The following ACTN2 variants were observed in gnomAD, a reference collection of about 807,000 sequenced individuals.
The protein encoded by ACTN2 is alpha-actinin-2.
Under a neutral mutation model 113.8 loss-of-function variants are expected in ACTN2, and 39 were observed. The ratio of observed to expected loss-of-function variants is 0.34; its 90% confidence interval spans 0.27 to 0.45. The LOEUF (loss-of-function observed/expected upper bound fraction) is 0.45, where lower values mean the gene tolerates loss of function less well. Among genes scored for constraint, ACTN2 ranks in the 20% least tolerant of loss-of-function variants. ACTN2 has a pLI of 1.00. For synonymous variants in ACTN2, 429 were observed against 444.1 expected (o/e 0.97, Z 0.43); for missense variants, 992 against 1,177.9 (o/e 0.84, Z 2.31).
intron 18 of ACTN2, 96 bp from the exon 19 acceptor site, chr1:236,759,628 A>G (rs1659648656): frequency 1.9e-6 from 2 of 1,048,974 alleles, no homozygotes; most frequent in Non-Finnish European, 3.0e-6. Context: ...GCAGAGCTCA[A>G]AGTGCTTCTC....
At chr1:236,720,258 C>A in intron 4 of ACTN2, 67 bp downstream of exon 4, 3 of 1,325,846 alleles carry the variant, frequency 2.3e-6, no homozygotes, top group East Asian at 2.3e-5. Flanking sequence ...AAAATTTGAG[C>A]AAGATGTTTT....
At chr1:236,703,014 G>T (rs772980607) in intron 1 of ACTN2, among the ~76,000 whole-genome samples, 1 of 152,110 alleles carries the variant, frequency 6.6e-6, no homozygotes, top group Non-Finnish European at 1.5e-5. Context: ...TTGCCGGATG[G>T]GTTGAGAGGA....
intron 4 of ACTN2, among the ~76,000 whole-genome samples, chr1:236,724,422 G>A (rs1252467726): frequency 2.0e-5 from 3 of 152,208 alleles, no homozygotes; most frequent in Non-Finnish European, 4.4e-5. Flanking sequence ...GATTTTTTGG[G>A]GAAAATGCCT....
Position 236,751,518 on chromosome 1 carries a change from G to A in ACTN2, c.1705G>A (p.Asp569Asn). Residue 569 changes from aspartate (D) to asparagine (N), a missense_variant, in exon 15 of 21, where the codon GAC becomes AAC. Around this residue, in one of 3 missense-constraint regions of ACTN2, gnomAD observed 736 missense variants for 815.4 expected, o/e 0.90. Coordinates refer to ENST00000366578, the MANE Select transcript of ACTN2 (RefSeq NM_001103.4). ...EQFKATLPEA[D>N]GERQSIMAIQ... Reference sequence around the variant, plus strand: ...GTTCAAGGCCACGCTGCCCGAGGCGGACGGAGAGCGGCAGTCCATCATGGC... The same window carrying A: ...GTTCAAGGCCACGCTGCCCGAGGCGAACGGAGAGCGGCAGTCCATCATGGC... 1 of 1,614,146 alleles carries A rather than the reference G, an allele frequency of 6.2e-7. No individual in the cohort carries two copies. The highest frequency in any genetic ancestry group is 2.2e-5 in the East Asian group (1 of 44,886).
At chr1:236,735,775 G>C in intron 8 of ACTN2, 55 bp downstream of exon 8, 1 of 1,448,594 alleles carries the variant, frequency 6.9e-7, no homozygotes, top group Non-Finnish European at 9.7e-7. Flanking sequence ...GGTTTTAGTT[G>C]TGTGTGCATA....
chr1:236,727,709 A>C lies in ACTN2; in HGVS notation c.568A>C (p.Ile190Leu), dbSNP rs1658594750. 6.2e-7 allele frequency: 1 copy of C among 1,613,962 alleles called. No homozygotes were observed. Among genetic ancestry groups the C allele is most frequent in the Non-Finnish European group, 8.5e-7 (1 of 1,180,010 alleles). ...WKDGLGLCAL[I>L]HRHRPDLIDY... ...AGATGGCCTTGGACTCTGTGCCCTC[A>C]TCCACCGACACCGGCCTGACCTCAT... is the stretch of plus-strand genomic sequence containing the variant. The change falls in exon 6 of 21, where the codon ATC becomes CTC. Residue 190 changes from isoleucine (I) to leucine (L), a missense_variant. By Grantham distance (5) the Ile-to-Leu change is conservative. Around this residue, in one of 3 missense-constraint regions of ACTN2, gnomAD observed 220 missense variants for 337.5 expected, o/e 0.65. Coordinates refer to ENST00000366578, the MANE Select transcript of ACTN2 (RefSeq NM_001103.4).
intron 1 of ACTN2, among the ~76,000 whole-genome samples, chr1:236,700,628 C>T (rs1336813746): frequency 1.3e-5 from 2 of 152,154 alleles, no homozygotes; most frequent in African/African-American, 2.4e-5. Context: ...GTTACTGCTT[C>T]GAGTGATAAG....
chr1:236,735,657 C>T lies in ACTN2; in HGVS notation c.720C>T (p.Pro240=), dbSNP rs375935508. The T allele has an allele frequency of 2.2e-5, 35 of 1,614,024 alleles. No individual in the cohort carries two copies. The highest frequency in any genetic ancestry group is 1.6e-4 in the Middle Eastern group (1 of 6,084). The change falls in exon 8 of 21, where the codon CCC becomes CCT. Residue 240 remains proline, a synonymous_variant. Transcript: ENST00000366578. ...CAGACATCGTGAACACCCCTAAACC[C>T]GATGAAAGAGCCATCATGACGTACG... The part of the protein sequence containing the change: ...DAEDIVNTPK[P]DERAIMTYVS...
At chr1:236,736,421 C>T in intron 8 of ACTN2, 12 of 603,342 alleles carry the variant, frequency 2.0e-5, no homozygotes, top group South Asian at 1.6e-4. Flanking sequence ...AGGCTGCGGG[C>T]CCAGAAGCCA....
At position 236,723,610 on chromosome 1, in the gene ACTN2, T is replaced by G. The variant is rs531275179; in HGVS notation, c.449-2323T>G. Among the ~76,000 whole-genome samples, 35 of 152,110 alleles carry G rather than the reference T, an allele frequency of 2.3e-4. 4 individuals are homozygous for G. The South Asian group carries it at 4.8e-3, about 21-fold the overall frequency. ...CCTCCCAAGTAGCTGGGATTACAAGTGCCCGCCACCGTGCCCGGCTAATTT... is the reference window on the plus strand; with the variant it reads ...CCTCCCAAGTAGCTGGGATTACAAGGGCCCGCCACCGTGCCCGGCTAATTT... On this transcript the variant is annotated intron_variant, in intron 4 of 20. Transcript: ENST00000366578.
In ACTN2 at chr1:236,755,309, A is replaced by G; in HGVS notation, c.2154+111A>G. The G allele has an allele frequency of 3.1e-6, 4 of 1,282,028 alleles. No homozygotes were observed. The Admixed American group carries it at 6.9e-5, about 22-fold the overall frequency. The allele number at this position is 1,282,028 out of a possible 1,614,324, so 79.4% of individuals were successfully genotyped here. ...TTCTTTGTTCCTGTTAAGACCTACA[A>G]GTATGAAAGTTAGGGATCTTTAAGC... On this transcript the variant is annotated intron_variant, in intron 17 of 20. Coordinates refer to ENST00000366578, the MANE Select transcript of ACTN2 (RefSeq NM_001103.4).
chr1:236,715,325 C>T (rs1378858640), intron 1 of ACTN2, among the ~76,000 whole-genome samples: 1 of 117,138 alleles, frequency 8.5e-6, no homozygotes, highest in Non-Finnish European at 1.7e-5. Context: ...ACCCTGTTAC[C>T]ACTTGAAGTT....
At chr1:236,709,220 G>GTATACATA (rs1553298540) in intron 1 of ACTN2, among the ~76,000 whole-genome samples, 25 of 66,838 alleles carry the variant, frequency 3.7e-4, no homozygotes, top group Non-Finnish European at 6.7e-4. Flanking sequence ...ACAAATGACT[G>GTATACATA]TATATATATA....
At chr1:236,686,873 C>A in intron 1 of ACTN2, 74 bp downstream of exon 1, 1 of 1,294,656 alleles carries the variant, frequency 7.7e-7, no homozygotes, top group Non-Finnish European at 9.8e-7. Context: ...CGCGTGGCCG[C>A]GTGGCCTGGC....
chr1:236,710,886 C>T (rs1017720558), intron 1 of ACTN2, among the ~76,000 whole-genome samples: 1 of 152,104 alleles, frequency 6.6e-6, no homozygotes, highest in African/African-American at 2.4e-5. Context: ...GAAACCATCC[C>T]CCTTCCCTAC....
chr1:236,691,166 A>G (rs184532897), intron 1 of ACTN2, among the ~76,000 whole-genome samples: 13 of 151,786 alleles, frequency 8.6e-5, no homozygotes, highest in African/African-American at 2.9e-4. Context: ...ATGGTCTCCC[A>G]TCTCCTGACC....
At chr1:236,703,089 A>G (rs1368376903) in intron 1 of ACTN2, among the ~76,000 whole-genome samples, 1 of 152,184 alleles carries the variant, frequency 6.6e-6, no homozygotes, top group Non-Finnish European at 1.5e-5. Flanking sequence ...GGAAAGTACA[A>G]TAAATGCTGC....
At chr1:236,738,034 G>C (rs1658943584) in intron 9 of ACTN2, among the ~76,000 whole-genome samples, 2 of 152,274 alleles carry the variant, frequency 1.3e-5, no homozygotes, top group South Asian at 4.1e-4. Context: ...TTCTATGACA[G>C]AGTCTTGCTC....
intron 1 of ACTN2, among the ~76,000 whole-genome samples, chr1:236,707,991 G>A (rs111688304): frequency 0.078 from 11,864 of 151,980 alleles, 1,191 homozygotes; most frequent in African/African-American, 0.23. Context: ...GATTACAGGT[G>A]TGAGCCACCG....
Sources: gnomAD v4.1 joint callset for allele counts (sites outside exome capture counted in the v4.1 genomes callset) on GRCh38, gnomAD v4.1.1 for gene constraint, gnomAD v4.1.1 regional missense constraint, MANE v1.5 for transcripts, NCBI Gene and HGNC (gene_info 2026-07-23, HGNC 2026-07-21) for gene names.